The following ABCB1 variants were observed in gnomAD, a reference collection of about 807,000 sequenced individuals.
The protein encoded by ABCB1 is ATP binding cassette subfamily B member 1.
In ABCB1, 69 loss-of-function variants were observed where a neutral mutation model predicts 142.0. The ratio of observed to expected loss-of-function variants is 0.49; its 90% CI spans 0.40 to 0.59. The LOEUF (loss-of-function observed/expected upper bound fraction) is 0.59. Among genes scored for constraint, ABCB1 ranks in the 20% least tolerant of loss-of-function variants. The pLI is 0.00. For missense variants in ABCB1, 1,326 were observed against 1,554.7 expected, an observed-to-expected ratio of 0.85 and a Z score of 2.47; for synonymous variants, 532 against 539.2, an observed-to-expected ratio of 0.99 and a Z score of 0.18.
intron 1 of ABCB1, among the ~76,000 whole-genome samples, chr7:87,628,225 G>A (rs969090921): frequency 1.3e-5 from 2 of 152,222 alleles, no homozygotes; most frequent in Non-Finnish European, 2.9e-5. Flanking sequence ...GCGAAAGCGA[G>A]CCCAGCGTCC....
intron 9 of ABCB1, among the ~76,000 whole-genome samples, 170 bp from the exon 10 acceptor site, chr7:87,551,008 T>G (rs914255486): frequency 2.0e-5 from 3 of 152,200 alleles, no homozygotes; most frequent in Non-Finnish European, 4.4e-5. Context: ...ACAGTACATT[T>G]AATTCCTTTT....
chr7:87,684,519 C>G (rs1827244990), intron 1 of ABCB1, among the ~76,000 whole-genome samples: 1 of 151,908 alleles, frequency 6.6e-6, no homozygotes, highest in African/African-American at 2.4e-5. Context: ...GAGGCCGAGG[C>G]AGGCGGATCA....
At chr7:87,571,408 C>T (rs1818049500) in intron 4 of ABCB1, among the ~76,000 whole-genome samples, 1 of 152,126 alleles carries the variant, frequency 6.6e-6, no homozygotes, top group Admixed American at 6.6e-5. Flanking sequence ...AGAGTTTAGC[C>T]ACCAGCAATG....
At chr7:87,525,946 G>T (rs1344720893) in intron 21 of ABCB1, among the ~76,000 whole-genome samples, 2 of 152,144 alleles carry the variant, frequency 1.3e-5, no homozygotes, top group African/African-American at 4.8e-5. Flanking sequence ...TGTCATAAAA[G>T]AAGTTAAAAG....
chr7:87,680,531 G>A (rs1826822560), intron 1 of ABCB1, among the ~76,000 whole-genome samples: 1 of 150,760 alleles, frequency 6.6e-6, no homozygotes, highest in South Asian at 2.1e-4. Flanking sequence ...GGTGGCTCAC[G>A]CCTGTAATCC....
At chr7:87,700,828 CT>C (rs1339494565) in intron 1 of ABCB1, among the ~76,000 whole-genome samples, 2 of 152,124 alleles carry the variant, frequency 1.3e-5, no homozygotes, top group African/African-American at 2.4e-5. Flanking sequence ...TGTTATTTGC[CT>C]TTTCGCTGTG....
chr7:87,674,106 C>T (rs1826088183), intron 1 of ABCB1, among the ~76,000 whole-genome samples: 1 of 152,132 alleles, frequency 6.6e-6, no homozygotes, highest in African/African-American at 2.4e-5. Flanking sequence ...TGTTTTCAGT[C>T]CACTGGTCAC....
At chr7:87,693,325 T>C (rs1371425052) in intron 1 of ABCB1, among the ~76,000 whole-genome samples, 1 of 152,202 alleles carries the variant, frequency 6.6e-6, no homozygotes, top group Non-Finnish European at 1.5e-5. Flanking sequence ...ATATAATATC[T>C]AAGTGCTGCT....
chr7:87,559,475 A>C (rs1352425548), intron 8 of ABCB1, among the ~76,000 whole-genome samples: 1 of 152,036 alleles, frequency 6.6e-6, no homozygotes, highest in Admixed American at 6.6e-5. Context: ...GTTATTTATA[A>C]GTCTTTTTAA....
chr7:87,509,363 C>T lies in ABCB1; in HGVS notation c.3401G>A (p.Gly1134Glu). ...CTGTGACACCACCCGGCTGTTGTCT[C>T]CATAGGCAATGTTCTCAGCAATGCT... ...DCSIAENIAY[G>E]DNSRVVSQEE... The change falls in exon 26 of 28, where the codon GGA becomes GAA. Residue 1134 changes from glycine to glutamate, a missense_variant. Gly to Glu is a moderately conservative substitution (Grantham distance 98). Coordinates refer to ENST00000622132, the MANE Select transcript of ABCB1 (RefSeq NM_001348946.2). 6.2e-7 allele frequency: 1 copy of T among 1,614,104 alleles called. No individual in the cohort carries two copies. The highest frequency in any genetic ancestry group is 8.5e-7 in the Non-Finnish European group (1 of 1,179,980).
At chr7:87,654,322 C>A (rs1266020355) in intron 1 of ABCB1, among the ~76,000 whole-genome samples, 3 of 151,910 alleles carry the variant, frequency 2.0e-5, no homozygotes, top group Admixed American at 6.6e-5. Context: ...AAATACTTGA[C>A]TTCAAAATAT....
chr7:87,649,703 G>A (rs1340296208), intron 1 of ABCB1, among the ~76,000 whole-genome samples: 1 of 152,148 alleles, frequency 6.6e-6, no homozygotes, highest in Non-Finnish European at 1.5e-5. Flanking sequence ...GAAATGGTTT[G>A]TCTGTGACCC....
intron 4 of ABCB1, among the ~76,000 whole-genome samples, chr7:87,581,561 A>G (rs1234218879): frequency 6.6e-6 from 1 of 152,206 alleles, no homozygotes; most frequent in Non-Finnish European, 1.5e-5. Flanking sequence ...TCTATAATTA[A>G]ACCAGAGATA....
At chr7:87,586,182 A>C (rs1818745134) in intron 3 of ABCB1, among the ~76,000 whole-genome samples, 1 of 152,212 alleles carries the variant, frequency 6.6e-6, no homozygotes, top group Admixed American at 6.5e-5. Flanking sequence ...TTAGGCCTCA[A>C]GAATGAGCAG....
intron 3 of ABCB1, among the ~76,000 whole-genome samples, chr7:87,594,647 C>T (rs17327747): frequency 0.03 from 4,559 of 152,124 alleles, 64 homozygotes; most frequent in Middle Eastern, 0.048. Flanking sequence ...ACTCAAGTAG[C>T]CTAAGAATGA....
chr7:87,621,694 G>A (rs555367759), intron 1 of ABCB1, among the ~76,000 whole-genome samples: 13 of 152,094 alleles, frequency 8.5e-5, no homozygotes, highest in African/African-American at 3.1e-4. Flanking sequence ...GTAACAGATT[G>A]GTGAGAAAAT....
intron 1 of ABCB1, among the ~76,000 whole-genome samples, chr7:87,702,598 T>G (rs1246164344): frequency 6.6e-6 from 1 of 152,162 alleles, no homozygotes; most frequent in Non-Finnish European, 1.5e-5. Flanking sequence ...TTGAATTACC[T>G]AATATTTAAG....
At chr7:87,651,698 C>T (rs1405732609) in intron 1 of ABCB1, among the ~76,000 whole-genome samples, 1 of 152,022 alleles carries the variant, frequency 6.6e-6, no homozygotes, top group Non-Finnish European at 1.5e-5. Flanking sequence ...GGTAACATAA[C>T]TTATGAGCAT....
intron 1 of ABCB1, among the ~76,000 whole-genome samples, chr7:87,609,710 TA>T (rs1819783122): frequency 6.6e-6 from 1 of 152,324 alleles, no homozygotes; most frequent in African/African-American, 2.4e-5. Flanking sequence ...CAGCTTGTTT[TA>T]ATGATCATTC....
Sources: gnomAD v4.1 joint callset for allele counts (sites outside exome capture counted in the v4.1 genomes callset) on GRCh38, gnomAD v4.1.1 for gene constraint, MANE v1.5 for transcripts, NCBI Gene and HGNC (gene_info 2026-07-23, HGNC 2026-07-21) for gene names.